Variants in WNK3 observed in about 807,000 individuals in gnomAD.
WNK3 encodes WNK lysine deficient protein kinase 3.
In WNK3, 18 loss-of-function variants were observed where a neutral mutation model predicts 116.7. That is an observed-to-expected ratio of 0.15 (90% CI 0.11 to 0.23). WNK3 has a LOEUF of 0.23. Among genes scored for constraint, WNK3 ranks in the 10% least tolerant of loss-of-function variants. WNK3 has a pLI of 1.00. For synonymous variants in WNK3, 404 were observed against 469.4 expected (o/e 0.86, Z 1.80); for missense variants, 993 against 1,323.8 (o/e 0.75, Z 3.88).
intron 10 of WNK3, among the ~76,000 whole-genome samples, chrX:54,283,833 C>A (rs1242980235): frequency 5.5e-5 from 5 of 90,594 alleles, no homozygotes; most frequent in African/African-American, 1.2e-4. Context: ...GATGTCTTTT[C>A]AACAGATGAA....
intron 4 of WNK3, 75 bp from the exon 5 acceptor site, chrX:54,308,154 TA>T: frequency 1.1e-6 from 1 of 923,338 alleles, no homozygotes; most frequent in Non-Finnish European, 1.5e-6. Context: ...CCCTTTCCTA[TA>T]AGGATTATCT....
chrX:54,222,916 ATAT>A lies in WNK3; in HGVS notation c.4870+5795_4870+5797del, dbSNP rs1467436288. On this transcript the variant is annotated intron_variant, in intron 22 of 23. Coordinates refer to ENST00000354646, the Ensembl canonical transcript of WNK3. ...TAGTATAATAATAATAATAATAATA[ATAT>A]ATATATATATATATATATATAAAAA... Among the ~76,000 whole-genome samples, 5 of 59,730 alleles carry A rather than the reference ATAT, an allele frequency of 8.4e-5. No homozygotes were observed. The Admixed American group carries it at 9.6e-4, about 11-fold the overall frequency. The allele number at this position is 59,730 out of a possible 115,157, so 51.9% of individuals were successfully genotyped here.
At chrX:54,243,420 C>CAAAAA (rs782696727) in intron 17 of WNK3, among the ~76,000 whole-genome samples, 9 of 16,818 alleles carry the variant, frequency 5.4e-4, no homozygotes, top group Admixed American at 1.8e-3. Context: ...GACTCCGTCT[C>CAAAAA]AAAAAAAAAA....
At chrX:54,338,364 G>A (rs1278209756) in intron 1 of WNK3, among the ~76,000 whole-genome samples, 2 of 109,644 alleles carry the variant, frequency 1.8e-5, no homozygotes, top group Non-Finnish European at 3.8e-5. Flanking sequence ...AGAGGTTGCA[G>A]TGAGCCAAGA....
intron 22 of WNK3, among the ~76,000 whole-genome samples, chrX:54,212,221 G>A (rs1327368710): frequency 9.8e-5 from 11 of 112,073 alleles, no homozygotes; most frequent in Non-Finnish European, 1.1e-4. Flanking sequence ...GCGAGACTCC[G>A]TCTCAAGAAC....
chrX:54,301,035 GAGTTGGAGA>G (rs2068752083), intron 6 of WNK3, among the ~76,000 whole-genome samples: 1 of 109,953 alleles, frequency 9.1e-6, no homozygotes, highest in Non-Finnish European at 1.9e-5. Context: ...TTGAGGCCAG[GAGTTGGAGA>G]CCAGCCTGGC....
chrX:54,322,588 T>C (rs1254396105), intron 2 of WNK3, among the ~76,000 whole-genome samples: 1 of 111,638 alleles, frequency 9.0e-6, no homozygotes, highest in Admixed American at 9.6e-5. Flanking sequence ...CCCAAGTAAC[T>C]AGTGAGTGGG....
Position 54,202,134 on chromosome X carries a change from C to CT in WNK3, c.4929dup (p.Gly1644ArgfsTer6). On this transcript the variant is annotated frameshift_variant, in exon 23 of 24. Coordinates refer to ENST00000354646, the Ensembl canonical transcript of WNK3. LOFTEE classifies it high-confidence loss of function. Reference sequence around the variant, plus strand: ...TTGTGTAAGTCATCTGTGAACATCCCTTTTTTACTGGCTGGAGACTGTTGG... The same window carrying CT: ...TTGTGTAAGTCATCTGTGAACATCCCTTTTTTTACTGGCTGGAGACTGTTGG... 8.3e-7 allele frequency: 1 copy of CT among 1,210,300 alleles called. No homozygotes were observed. Among genetic ancestry groups the CT allele is most frequent in the Non-Finnish European group, 1.1e-6 (1 of 894,685 alleles).
intron 21 of WNK3, among the ~76,000 whole-genome samples, chrX:54,230,080 C>A (rs2067884405): frequency 9.0e-6 from 1 of 111,283 alleles, no homozygotes; most frequent in East Asian, 2.8e-4. Context: ...AATGAAAAGA[C>A]AAGCTATAGA....
chrX:54,303,325 T>C (rs782271091), intron 5 of WNK3, among the ~76,000 whole-genome samples: 9 of 111,435 alleles, frequency 8.1e-5, no homozygotes, highest in African/African-American at 2.6e-4. Context: ...GTTTCTATAA[T>C]AACTGTGTTG....
intron 2 of WNK3, among the ~76,000 whole-genome samples, chrX:54,311,494 C>G (rs2068886433): frequency 8.9e-6 from 1 of 111,897 alleles, no homozygotes; most frequent in African/African-American, 3.2e-5. Flanking sequence ...GGCAATGCAG[C>G]ACTATTATAT....
At chrX:54,211,151 C>G (rs1438329995) in intron 22 of WNK3, among the ~76,000 whole-genome samples, 1 of 111,661 alleles carries the variant, frequency 9.0e-6, no homozygotes, top group Non-Finnish European at 1.9e-5. Context: ...ATAAATTCTC[C>G]ACATGTCAGG....
intron 17 of WNK3, among the ~76,000 whole-genome samples, chrX:54,245,804 C>T (rs1557152595): frequency 9.0e-6 from 1 of 111,408 alleles, no homozygotes; most frequent in African/African-American, 3.3e-5. Flanking sequence ...TTCATATGTG[C>T]AAATACTTCT....
intron 8 of WNK3, 81 bp from the exon 9 acceptor site, chrX:54,293,408 T>C: frequency 1.3e-6 from 1 of 760,690 alleles, no homozygotes; most frequent in Non-Finnish European, 1.8e-6. Context: ...TAATGGTGTT[T>C]CTTTAATGGC....
chrX:54,203,431 C>T (rs1450745914), intron 22 of WNK3, among the ~76,000 whole-genome samples: 1 of 111,575 alleles, frequency 9.0e-6, no homozygotes, highest in Non-Finnish European at 1.9e-5. Flanking sequence ...AGGGATTTAA[C>T]AAGCATGTGA....
chrX:54,245,898 G>A (rs1482035497), intron 17 of WNK3, among the ~76,000 whole-genome samples: 2 of 112,002 alleles, frequency 1.8e-5, no homozygotes, highest in African/African-American at 6.5e-5. Flanking sequence ...TGCCCTCCAA[G>A]TAGGCTGTAC....
At chrX:54,314,635 G>A (rs1488635796) in intron 2 of WNK3, among the ~76,000 whole-genome samples, 1 of 110,426 alleles carries the variant, frequency 9.1e-6, no homozygotes, top group Non-Finnish European at 1.9e-5. Context: ...CGGGCATAGT[G>A]GTGTATGTCT....
chrX:54,356,727 A>C (rs782402832), intron 1 of WNK3, among the ~76,000 whole-genome samples: 15 of 111,048 alleles, frequency 1.4e-4, no homozygotes, highest in Non-Finnish European at 2.3e-4. Flanking sequence ...CACAACTCAA[A>C]AGCTGTTTTA....
chrX:54,283,679 G>A (rs1557163236), intron 10 of WNK3, among the ~76,000 whole-genome samples: 3 of 105,251 alleles, frequency 2.9e-5, no homozygotes, highest in Non-Finnish European at 5.8e-5. Flanking sequence ...TGAGGCAGGA[G>A]AATGGCGTGA....
Sources: gnomAD v4.1 joint callset for allele counts (sites outside exome capture counted in the v4.1 genomes callset) on GRCh38, gnomAD v4.1.1 for gene constraint, MANE v1.5 for transcripts, NCBI Gene and HGNC (gene_info 2026-07-23, HGNC 2026-07-21) for gene names.